VAT1L: variants seen among roughly 807,000 people sequenced by gnomAD.
The protein encoded by VAT1L is vesicle amine transport 1 like.
Under a neutral mutation model 44.1 loss-of-function variants are expected in VAT1L, and 34 were observed. The ratio of observed to expected loss-of-function variants is 0.77; its 90% confidence interval spans 0.59 to 1.03. VAT1L has a LOEUF of 1.03. Ranked by LOEUF, VAT1L falls within the 50% of genes least tolerant of loss-of-function variation. The probability of loss-of-function intolerance (pLI) is 0.00; values close to 1 mark genes in which losing one functional copy is unlikely to be tolerated. For missense variants in VAT1L, 615 were observed against 538.8 expected, an observed-to-expected ratio of 1.14 and a Z score of -1.40; for synonymous variants, 253 against 202.2, an observed-to-expected ratio of 1.25 and a Z score of -2.13.
chr16:77,938,976 C>A (rs1184130963), intron 7 of VAT1L, among the ~76,000 whole-genome samples: 3 of 152,118 alleles, frequency 2.0e-5, no homozygotes, highest in African/African-American at 7.2e-5. Flanking sequence ...CCTGGATCTT[C>A]TGTCTACTCC....
chr16:77,808,473 C>T (rs982132730), intron 1 of VAT1L, among the ~76,000 whole-genome samples: 4 of 152,126 alleles, frequency 2.6e-5, no homozygotes, highest in African/African-American at 9.7e-5. Flanking sequence ...AACCATCCTC[C>T]CACCCCTGCT....
rs1378925420 is a variant in VAT1L, at chr16:77,979,123, A to G, written c.*1428A>G. ...CAAGTGGTAGGAACGAATGCATCTT[A>G]GCAATTACCTGATTTCCAAAGTCCT... On this transcript the variant is annotated 3_prime_UTR_variant, in exon 9 of 9. Coordinates refer to ENST00000302536, the MANE Select transcript of VAT1L (RefSeq NM_020927.3). 1 of 152,656 alleles carries G rather than the reference A, an allele frequency of 6.6e-6. No homozygotes were observed. The highest frequency in any genetic ancestry group is 2.4e-5 in the African/African-American group (1 of 41,460). 9.5% of individuals were successfully genotyped at this position (152,656 alleles called of 1,614,324 possible). A position where few individuals can be genotyped will look rare whatever the true frequency, so the allele number is the denominator to read the frequency against.
intron 7 of VAT1L, among the ~76,000 whole-genome samples, chr16:77,901,320 T>C (rs750231860): frequency 1.2e-4 from 18 of 152,016 alleles, no homozygotes; most frequent in Middle Eastern, 3.4e-3. Context: ...CCCGCCACCA[T>C]GCCCGGCTAA....
intron 7 of VAT1L, among the ~76,000 whole-genome samples, chr16:77,955,661 G>T (rs762693663): frequency 6.6e-6 from 1 of 151,244 alleles, no homozygotes; most frequent in African/African-American, 2.4e-5. Context: ...GGAAGTGGAG[G>T]TTGCAGTGAG....
chr16:77,839,738 G>A (rs1351610491), intron 3 of VAT1L, among the ~76,000 whole-genome samples: 1 of 151,968 alleles, frequency 6.6e-6, no homozygotes, highest in Admixed American at 6.6e-5. Flanking sequence ...TCTAATGCAT[G>A]CTCAAGGTTG....
At chr16:77,970,678 T>G (rs557165435) in intron 7 of VAT1L, among the ~76,000 whole-genome samples, 6 of 152,348 alleles carry the variant, frequency 3.9e-5, no homozygotes, top group Admixed American at 2.6e-4. Context: ...ATTGAGTATC[T>G]TTTGTGTAAT....
At chr16:77,861,802 C>T (rs565585307) in intron 3 of VAT1L, among the ~76,000 whole-genome samples, 6 of 152,310 alleles carry the variant, frequency 3.9e-5, no homozygotes, top group East Asian at 1.9e-4. Context: ...ATAAATACTC[C>T]GGCTTCCTTG....
chr16:77,863,531 G>A (rs923531783), intron 4 of VAT1L, among the ~76,000 whole-genome samples: 5 of 152,158 alleles, frequency 3.3e-5, no homozygotes, highest in African/African-American at 9.7e-5. Context: ...TTCGGAGCCC[G>A]TGATTTTCCT....
In VAT1L at chr16:77,884,704, C is replaced by G; in HGVS notation, c.979C>G (p.Arg327Gly). The G allele has an allele frequency of 6.2e-7, 1 of 1,611,424 alleles. No homozygotes were observed. Residue 327 changes from arginine (R) to glycine (G), a missense_variant, in exon 7 of 9, where the codon CGG becomes GGG. Transcript: ENST00000302536. This position sits in a 1 kb window ranked among gnomAD's most constrained non-coding sequence, Gnocchi z 4.5. ...TTTAAATCTGCTCTTCAAACAAGGC[C>G]GGGCGGGCCTCATTCGGGGAGTGGT... Reference protein sequence around the residue: ...SLLNLLFKQGRAGLIRGVVEK... With the variant: ...SLLNLLFKQGGAGLIRGVVEK...
At chr16:77,958,101 A>G (rs450736) in intron 7 of VAT1L, among the ~76,000 whole-genome samples, 66,462 of 151,766 alleles carry the variant, frequency 0.44, 14,753 homozygotes, top group Middle Eastern at 0.51. Flanking sequence ...AGAGATGAGC[A>G]TTTGCCATGT....
In VAT1L at chr16:77,858,425, T is replaced by G. The variant is rs79160324; in HGVS notation, c.580-4323T>G. Among the ~76,000 whole-genome samples the G allele has an allele frequency of 4.9e-3, 746 of 152,232 alleles. 10 individuals are homozygous for G. Among genetic ancestry groups the G allele is most frequent in the South Asian group, 0.021 (99 of 4,808 alleles). On this transcript the variant is annotated intron_variant, in intron 3 of 8. Transcript: ENST00000302536. ...AGATATGCTGCTACTGCAAATGTAA[T>G]AAGACCAAGAAAAATAGTAAGAGAG...
At chr16:77,891,624 A>T (rs1015061853) in intron 7 of VAT1L, among the ~76,000 whole-genome samples, 3 of 152,120 alleles carry the variant, frequency 2.0e-5, no homozygotes, top group African/African-American at 7.2e-5. Flanking sequence ...CCTCCATGTT[A>T]ATGACTATGG....
intron 7 of VAT1L, among the ~76,000 whole-genome samples, chr16:77,943,777 T>C (rs1310984161): frequency 6.6e-6 from 1 of 152,130 alleles, no homozygotes; most frequent in Non-Finnish European, 1.5e-5. Context: ...CTCTAAGGAA[T>C]GAAATTTCTA....
chr16:77,857,930 A>G (rs2016878001), intron 3 of VAT1L, among the ~76,000 whole-genome samples: 2 of 151,756 alleles, frequency 1.3e-5, no homozygotes, highest in South Asian at 4.2e-4. Flanking sequence ...AATTAAATGC[A>G]CGCTTTACTC....
intron 2 of VAT1L, among the ~76,000 whole-genome samples, chr16:77,818,507 T>A (rs2016393892): frequency 6.6e-6 from 1 of 152,186 alleles, no homozygotes; most frequent in East Asian, 1.9e-4. Flanking sequence ...TATCTTCTCT[T>A]CAATCCTCCA....
At chr16:77,842,270 G>A (rs886080745) in intron 3 of VAT1L, among the ~76,000 whole-genome samples, 2 of 152,152 alleles carry the variant, frequency 1.3e-5, no homozygotes, top group South Asian at 4.1e-4. Flanking sequence ...ATGAACCTGA[G>A]AGCCATTGGA....
In VAT1L at chr16:77,946,079, C is replaced by T. The variant is rs151119683; in HGVS notation, c.1078-25771C>T. 4.5e-3 allele frequency among the ~76,000 whole-genome samples: 687 copies of T among 151,958 alleles called. 5 individuals carry two copies. The highest frequency in any genetic ancestry group is 0.015 in the African/African-American group (640 of 41,478). ...CCTCCCAAAGTGCTAGGATTACAGG[C>T]GTGAGCTACCACACCCGGCCAGGGC... On this transcript the variant is annotated intron_variant, in intron 7 of 8. Coordinates refer to ENST00000302536, the MANE Select transcript of VAT1L (RefSeq NM_020927.3).
In VAT1L at chr16:77,856,343, A is replaced by C. The variant is rs143199877; in HGVS notation, c.580-6405A>C. The stretch of plus-strand genomic sequence containing the variant: ...CTGTCCTTACTTAGTTGAGTTTCTG[A>C]TGCTAAATCCTGAATCTCAGTGCAC... On this transcript the variant is annotated intron_variant, in intron 3 of 8. Transcript: ENST00000302536. Among the ~76,000 whole-genome samples, 1,098 of 152,268 alleles carry C rather than the reference A, an allele frequency of 7.2e-3. 7 individuals carry two copies. Among genetic ancestry groups the C allele is most frequent in the Non-Finnish European group, 0.011 (760 of 68,024 alleles).
intron 7 of VAT1L, among the ~76,000 whole-genome samples, chr16:77,916,341 A>C (rs950037656): frequency 2.0e-5 from 3 of 152,200 alleles, no homozygotes; most frequent in Admixed American, 6.5e-5. Flanking sequence ...CAAGGGGCTC[A>C]GGTTCAGAAG....
Sources: gnomAD v4.1 joint callset for allele counts (sites outside exome capture counted in the v4.1 genomes callset) on GRCh38, gnomAD v4.1.1 for gene constraint, Gnocchi (gnomAD v3.1) non-coding constraint, MANE v1.5 for transcripts, NCBI Gene and HGNC (gene_info 2026-07-23, HGNC 2026-07-21) for gene names.